Variants in KCNG2 observed in about 807,000 individuals in gnomAD.
KCNG2 encodes voltage-gated potassium channel regulatory subunit KCNG2.
A neutral mutation model predicts 12.3 loss-of-function variants in KCNG2; 7 were observed. The ratio of observed to expected loss-of-function variants is 0.57; its 90% CI spans 0.32 to 1.07. The LOEUF is 1.07. Ranked by LOEUF, KCNG2 falls within the 50% of genes least tolerant of loss-of-function variation. KCNG2 has a pLI of 0.04. For synonymous variants in KCNG2, 414 were observed against 351.4 expected, an observed-to-expected ratio of 1.18 and a Z score of -1.99; for missense variants, 703 against 726.0, an observed-to-expected ratio of 0.97 and a Z score of 0.36.
intron 1 of KCNG2, among the ~76,000 whole-genome samples, chr18:79,819,381 C>G (rs2087554402): frequency 6.6e-6 from 1 of 152,210 alleles, no homozygotes; most frequent in Admixed American, 6.5e-5. Context: ...CCTCAGGGCA[C>G]AGATTTGGGG....
intron 3 of KCNG2, 27 bp from the exon 4 acceptor site, chr18:79,899,013 C>T (rs1245575579): frequency 1.0e-5 from 15 of 1,495,078 alleles, no homozygotes; most frequent in Non-Finnish European, 1.2e-5. Flanking sequence ...GCCTGCGCCC[C>T]CAACCCCGTG....
rs1298460601 is a variant in KCNG2 at position 79,803,790 on chromosome 18, G to A, written c.-115+5776G>A. Among the ~76,000 whole-genome samples, 1 of 152,210 alleles carries A rather than the reference G, an allele frequency of 6.6e-6. No individual in the cohort carries two copies. The highest frequency in any genetic ancestry group is 1.5e-5 in the Non-Finnish European group (1 of 68,030). ...GCCCCAGTCCCGGCCAAGGTTCCAG[G>A]ATGCCAGCAGGTGCCTGAGACTGGG... On this transcript the variant is annotated intron_variant, in intron 1 of 3. Transcript: ENST00000316249. This position sits in a 1 kb window ranked among gnomAD's most constrained non-coding sequence, Gnocchi z 4.5.
At chr18:79,859,580 C>T (rs1395466618) in intron 2 of KCNG2, among the ~76,000 whole-genome samples, 3 of 152,206 alleles carry the variant, frequency 2.0e-5, no homozygotes, top group Non-Finnish European at 4.4e-5. Context: ...GAGGGATCAG[C>T]CCCCATGACC....
intron 2 of KCNG2, 102 bp from the exon 3 acceptor site, chr18:79,863,526 C>T: frequency 2.1e-6 from 2 of 960,966 alleles, no homozygotes; most frequent in Non-Finnish European, 1.3e-6. Context: ...TCCGAGCTCA[C>T]CTCCGAGGGT....
At chr18:79,806,881 T>C (rs971013408) in intron 1 of KCNG2, among the ~76,000 whole-genome samples, 7 of 152,262 alleles carry the variant, frequency 4.6e-5, no homozygotes, top group African/African-American at 1.4e-4. Flanking sequence ...AAAATCTGCA[T>C]TGACTTAAGG....
rs1423478846 is a variant in KCNG2 at position 79,803,187 on chromosome 18, A to AT, written c.-115+5174dup. ...AGCAAGACTCTGTCTCAAAAAAAAA[A>AT]TAGTTAACACTCATGAGATTGCCTG... On this transcript the variant is annotated intron_variant, in intron 1 of 3. Coordinates refer to ENST00000316249, the MANE Select transcript of KCNG2 (RefSeq NM_012283.2). This position sits in a 1 kb window ranked among gnomAD's most constrained non-coding sequence, Gnocchi z 4.5. Among the ~76,000 whole-genome samples, 2 of 152,148 alleles carry AT rather than the reference A, an allele frequency of 1.3e-5. No homozygotes were observed. The highest frequency in any genetic ancestry group is 4.8e-5 in the African/African-American group (2 of 41,452).
intron 1 of KCNG2, among the ~76,000 whole-genome samples, chr18:79,813,056 G>A (rs1019013635): frequency 1.3e-5 from 2 of 152,204 alleles, no homozygotes; most frequent in African/African-American, 4.8e-5. Flanking sequence ...TCACAAGGCT[G>A]AGGCAGGAGA....
intron 3 of KCNG2, among the ~76,000 whole-genome samples, chr18:79,888,720 T>A (rs1413946602): frequency 6.6e-6 from 1 of 152,094 alleles, no homozygotes; most frequent in Non-Finnish European, 1.5e-5. Context: ...TTAGAGAGTC[T>A]CACTCTGTCG....
chr18:79,845,272 G>C (rs975853993), intron 1 of KCNG2, among the ~76,000 whole-genome samples: 1 of 152,204 alleles, frequency 6.6e-6, no homozygotes, highest in Admixed American at 6.5e-5. Flanking sequence ...GGAGGAGGTG[G>C]CTGGGAAGGC....
intron 3 of KCNG2, among the ~76,000 whole-genome samples, chr18:79,867,891 C>T (rs981118662): frequency 1.3e-5 from 2 of 152,094 alleles, no homozygotes; most frequent in African/African-American, 4.8e-5. Flanking sequence ...GGGGGACACT[C>T]ATTGAAGGGC....
At chr18:79,799,794 G>A (rs1451205784) in intron 1 of KCNG2, among the ~76,000 whole-genome samples, 2 of 152,232 alleles carry the variant, frequency 1.3e-5, no homozygotes, top group African/African-American at 2.4e-5. Flanking sequence ...TGTGCCAGGC[G>A]CACAGGAAGT....
intron 2 of KCNG2, among the ~76,000 whole-genome samples, chr18:79,863,170 T>C (rs950184420): frequency 2.0e-5 from 3 of 152,220 alleles, no homozygotes; most frequent in Non-Finnish European, 4.4e-5. Context: ...GGAATGCCGT[T>C]TTCCAGCAGG....
intron 1 of KCNG2, among the ~76,000 whole-genome samples, chr18:79,814,347 G>A (rs574306909): frequency 3.3e-5 from 5 of 152,340 alleles, no homozygotes; most frequent in African/African-American, 1.2e-4. Context: ...AATTGTCCCA[G>A]AGACCCTTCC....
intron 1 of KCNG2, among the ~76,000 whole-genome samples, chr18:79,818,437 C>T (rs1024158405): frequency 2.0e-5 from 3 of 152,212 alleles, no homozygotes; most frequent in African/African-American, 4.8e-5. Context: ...CCTCCTCCCC[C>T]GCTGCCTGGC....
At chr18:79,835,406 T>C (rs139483797) in intron 1 of KCNG2, among the ~76,000 whole-genome samples, 54 of 152,350 alleles carry the variant, frequency 3.5e-4, no homozygotes, top group African/African-American at 1.2e-3. Flanking sequence ...AAACAGCCGT[T>C]GTAAAAATAC....
At chr18:79,868,692 A>G (rs768548343) in intron 3 of KCNG2, among the ~76,000 whole-genome samples, 1 of 152,222 alleles carries the variant, frequency 6.6e-6, no homozygotes, top group Non-Finnish European at 1.5e-5. Flanking sequence ...TGAGAACCGT[A>G]AAATGATGGT....
chr18:79,857,537 G>A (rs545419033), intron 2 of KCNG2, among the ~76,000 whole-genome samples: 4 of 151,102 alleles, frequency 2.6e-5, no homozygotes, highest in Non-Finnish European at 4.4e-5. Context: ...GGCAGTCTGC[G>A]AGCTACACTG....
intron 3 of KCNG2, among the ~76,000 whole-genome samples, chr18:79,889,813 CCTGAACGGAGGGAGCACG>C (rs1980683598): frequency 6.6e-6 from 1 of 152,192 alleles, no homozygotes; most frequent in Admixed American, 6.5e-5. Context: ...GCGTCTCGTT[CCTGAACGGAGGGAGCACG>C]GAGTCTTTCG....
At chr18:79,829,126 G>A (rs1346132095) in intron 1 of KCNG2, among the ~76,000 whole-genome samples, 1 of 140,560 alleles carries the variant, frequency 7.1e-6, no homozygotes, top group Admixed American at 7.1e-5. Flanking sequence ...CATGATGTGT[G>A]CATGTGTCTG....
Sources: gnomAD v4.1 joint callset for allele counts (sites outside exome capture counted in the v4.1 genomes callset) on GRCh38, gnomAD v4.1.1 for gene constraint, Gnocchi (gnomAD v3.1) non-coding constraint, MANE v1.5 for transcripts, NCBI Gene and HGNC (gene_info 2026-07-23, HGNC 2026-07-21) for gene names.